MOCS1: variants seen among roughly 807,000 people sequenced by gnomAD.
The protein encoded by MOCS1 is molybdenum cofactor synthesis 1.
MOCS1 carries 39 observed loss-of-function variants against 57.6 expected under a neutral mutation model. The ratio of observed to expected loss-of-function variants is 0.68; its 90% CI spans 0.52 to 0.88. The LOEUF is 0.88. Among genes scored for constraint, MOCS1 ranks in the 40% least tolerant of loss-of-function variants. MOCS1 has a pLI of 0.00. For synonymous variants in MOCS1, 334 were observed against 335.7 expected (o/e 1.00, Z 0.05); for missense variants, 795 against 831.1 (o/e 0.96, Z 0.53).
rs1209595408 is a variant in MOCS1 at position 39,907,023 on chromosome 6, A to G, written c.1245T>C (p.Ser415=). 1 of 1,613,384 alleles carries G rather than the reference A, an allele frequency of 6.2e-7. No homozygotes were observed. Among genetic ancestry groups the G allele is most frequent in the African/African-American group, 1.3e-5 (1 of 74,752 alleles). Residue 415 remains serine (S), a synonymous_variant, in exon 11 of 11, where the codon AGT becomes AGC. Coordinates refer to ENST00000340692, the MANE Select transcript of MOCS1 (RefSeq NM_001358530.2). The part of the protein sequence containing the change: ...LHVQGLRPRM[S]FSSQVATLWK... ...ATAAAGTGGCCACCTGGCTGGAGAA[A>G]CTCATTCTGGGTCTTAGACCCTGAA... is the stretch of plus-strand genomic sequence containing the variant.
intron 1 of MOCS1, 99 bp downstream of exon 1, chr6:39,934,196 C>T (rs1035826009): frequency 3.8e-5 from 53 of 1,411,170 alleles, no homozygotes; most frequent in Non-Finnish European, 4.2e-5. Flanking sequence ...CTCCCAGAAG[C>T]GGTCAAGCAG....
intron 4 of MOCS1, among the ~76,000 whole-genome samples, chr6:39,914,450 CCTA>C (rs1209966958): frequency 6.6e-6 from 1 of 152,238 alleles, no homozygotes; most frequent in Non-Finnish European, 1.5e-5. Flanking sequence ...TCTCTGAGCA[CCTA>C]CTACGCACAG....
chr6:39,906,843 G>A lies in MOCS1; in HGVS notation c.1425C>T (p.Pro475=), dbSNP rs751840408. 2 of 1,614,206 alleles carry A rather than the reference G, an allele frequency of 1.2e-6. No homozygotes were observed. Among genetic ancestry groups the A allele is most frequent in the South Asian group, 2.2e-5 (2 of 91,080 alleles). ...GSWASAAPSG[P]QLTSEQLTHV... is the part of the protein sequence containing the mutation. ...GAGTTAGTTGTTCTGAGGTTAGCTG[G>A]GGTCCTGAGGGGGCAGCAGAAGCCC... is the stretch of plus-strand genomic sequence containing the variant. Residue 475 remains proline, a synonymous_variant, in exon 11 of 11, where the codon CCC becomes CCT. Coordinates refer to ENST00000340692, the MANE Select transcript of MOCS1 (RefSeq NM_001358530.2).
chr6:39,914,602 C>T (rs1767546836), intron 4 of MOCS1, among the ~76,000 whole-genome samples: 2 of 152,190 alleles, frequency 1.3e-5, no homozygotes, highest in Admixed American at 6.5e-5. Context: ...TGGCCCCCTC[C>T]AGCACCCCCA....
rs144575802 is a variant in MOCS1 at position 39,921,516 on chromosome 6, T to C, written c.418+4162A>G. Among the ~76,000 whole-genome samples, 278 of 152,314 alleles carry C rather than the reference T, an allele frequency of 1.8e-3. 1 individual carries two copies. The highest frequency in any genetic ancestry group is 6.4e-3 in the African/African-American group (266 of 41,562). On this transcript the variant is annotated intron_variant, in intron 3 of 10. Coordinates refer to ENST00000340692, the MANE Select transcript of MOCS1 (RefSeq NM_001358530.2). ...GTCATACATGGATCAATGATGAGAATATCTCATGAACCAAGTATGATTTAA... is the reference window on the plus strand; with the variant it reads ...GTCATACATGGATCAATGATGAGAACATCTCATGAACCAAGTATGATTTAA...
At chr6:39,920,608 CA>C (rs1767910536) in intron 3 of MOCS1, among the ~76,000 whole-genome samples, 3 of 152,116 alleles carry the variant, frequency 2.0e-5, no homozygotes, top group Non-Finnish European at 4.4e-5. Context: ...TTACTTGAGT[CA>C]AAAACAATAA....
chr6:39,909,717 A>ACT, intron 9 of MOCS1, 118 bp downstream of exon 9: 1 of 1,388,936 alleles, frequency 7.2e-7, no homozygotes, highest in Non-Finnish European at 1.0e-6. Context: ...GATGATGCTG[A>ACT]CTCTCGCCAG....
chr6:39,929,571 G>T (rs1263582677), intron 1 of MOCS1, among the ~76,000 whole-genome samples: 2 of 151,984 alleles, frequency 1.3e-5, no homozygotes, highest in Non-Finnish European at 2.9e-5. Flanking sequence ...ATACATCAAA[G>T]AATTGGAAGT....
Position 39,906,509 on chromosome 6 carries a change from T to C in MOCS1, c.1759A>G (p.Thr587Ala). 1 of 1,614,044 alleles carries C rather than the reference T, an allele frequency of 6.2e-7. No individual in the cohort carries two copies. The highest frequency in any genetic ancestry group is 8.5e-7 in the Non-Finnish European group (1 of 1,180,040). Reference protein sequence around the residue: ...IQASCRARGPTGVEMEALTSA... With the variant: ...IQASCRARGPAGVEMEALTSA... Reference sequence around the variant, plus strand: ...GTCAGGGCCTCCATCTCCACCCCGGTGGGGCCCCGAGCCCGGCAAGATGCC... The same window carrying C: ...GTCAGGGCCTCCATCTCCACCCCGGCGGGGCCCCGAGCCCGGCAAGATGCC... Residue 587 changes from threonine to alanine, a missense_variant, in exon 11 of 11, where the codon ACC becomes GCC. Physicochemically the swap from Thr to Ala is moderately conservative, Grantham distance 58. Around this residue, in one of 3 missense-constraint regions of MOCS1, gnomAD observed 374 missense variants for 422.6 expected, o/e 0.89. Transcript: ENST00000340692.
intron 3 of MOCS1, among the ~76,000 whole-genome samples, chr6:39,923,204 G>T (rs964213012): frequency 6.6e-6 from 1 of 152,162 alleles, no homozygotes; most frequent in Non-Finnish European, 1.5e-5. Flanking sequence ...TCCATGTGGC[G>T]ATCACCCCTT....
chr6:39,913,728 C>A (rs1684481102), intron 5 of MOCS1, 46 bp downstream of exon 5: 2 of 1,600,748 alleles, frequency 1.2e-6, no homozygotes, highest in East Asian at 2.2e-5. Context: ...AAGGCCAGGG[C>A]AGTGTGGAGG....
chr6:39,911,232 A>C (rs1027300741), intron 8 of MOCS1, among the ~76,000 whole-genome samples: 1 of 152,178 alleles, frequency 6.6e-6, no homozygotes, highest in Non-Finnish European at 1.5e-5. Context: ...CAGCCCAGAA[A>C]AACCCCCAAG....
chr6:39,916,385 G>A (rs1450178164), intron 3 of MOCS1, among the ~76,000 whole-genome samples, 153 bp from the exon 4 acceptor site: 1 of 152,204 alleles, frequency 6.6e-6, no homozygotes, highest in Non-Finnish European at 1.5e-5. Context: ...TAAAAAGAAA[G>A]CTAAGAATCA....
intron 3 of MOCS1, 95 bp from the exon 4 acceptor site, chr6:39,916,327 T>A: frequency 5.4e-6 from 8 of 1,494,954 alleles, no homozygotes; most frequent in Non-Finnish European, 7.3e-6. Context: ...CCAGACAAGA[T>A]GGATGGAAAA....
At chr6:39,922,087 C>T (rs556226032) in intron 3 of MOCS1, among the ~76,000 whole-genome samples, 6 of 152,334 alleles carry the variant, frequency 3.9e-5, no homozygotes, top group South Asian at 4.1e-4. Flanking sequence ...AGTACTTGTG[C>T]GCTTAGTTCC....
intron 5 of MOCS1, 28 bp downstream of exon 5, chr6:39,913,746 G>A (rs760482512): frequency 3.3e-5 from 54 of 1,613,256 alleles, no homozygotes; most frequent in Non-Finnish European, 4.2e-5. Context: ...AGGGAAGTCG[G>A]GAATCTACGG....
intron 3 of MOCS1, 76 bp from the exon 4 acceptor site, chr6:39,916,308 A>AGGGGGTCAGACTG: frequency 1.3e-6 from 2 of 1,576,410 alleles, no homozygotes; most frequent in Non-Finnish European, 1.7e-6. Context: ...GGAAGGCAAA[A>AGGGGGTCAGACTG]CTCTTTGTCC....
At chr6:39,932,887 A>C (rs1392978060) in intron 1 of MOCS1, among the ~76,000 whole-genome samples, 2 of 152,198 alleles carry the variant, frequency 1.3e-5, no homozygotes, top group Non-Finnish European at 2.9e-5. Flanking sequence ...TGCAGATGAG[A>C]AAACAGACAC....
In MOCS1 at chr6:39,917,853, G is replaced by A. The variant is rs191049271; in HGVS notation, c.419-1621C>T. On this transcript the variant is annotated intron_variant, in intron 3 of 10. Transcript: ENST00000340692. The stretch of plus-strand genomic sequence containing the variant: ...GTTACAAGAAGAAAAAACTTGAGAA[G>A]CAGAATGAACACAGGAATGAATGAG... Among the ~76,000 whole-genome samples, 220 of 152,260 alleles carry A rather than the reference G, an allele frequency of 1.4e-3. 1 individual carries two copies. The highest frequency in any genetic ancestry group is 5.0e-3 in the African/African-American group (206 of 41,554).
Sources: allele counts gnomAD v4.1 joint callset (sites outside exome capture counted in the v4.1 genomes callset), GRCh38; gene constraint gnomAD v4.1.1; regional missense constraint gnomAD v4.1.1; transcripts MANE v1.5; gene names NCBI Gene and HGNC (gene_info 2026-07-23, HGNC 2026-07-21).